The following NEIL3 variants were observed in gnomAD, a reference collection of about 807,000 sequenced individuals.
The protein encoded by NEIL3 is endonuclease 8-like 3.
Under a neutral mutation model 57.5 loss-of-function variants are expected in NEIL3, and 48 were observed. The observed-to-expected ratio is 0.83, with a 90% CI of 0.66 to 1.06. The LOEUF (loss-of-function observed/expected upper bound fraction) is 1.06. NEIL3 is among the 50% of genes least tolerant of loss of function. The probability of loss-of-function intolerance (pLI) is 0.00; values close to 1 mark genes in which losing one functional copy is unlikely to be tolerated. For missense variants in NEIL3, 717 were observed against 739.1 expected, an observed-to-expected ratio of 0.97 and a Z score of 0.35; for synonymous variants, 261 against 253.2, an observed-to-expected ratio of 1.03 and a Z score of -0.29.
intron 8 of NEIL3, 121 bp from the exon 9 acceptor site, chr4:177,360,382 G>A (rs1262636965): frequency 5.0e-6 from 3 of 605,592 alleles, no homozygotes; most frequent in East Asian, 2.8e-5. Flanking sequence ...TAATGTTAAC[G>A]AGGTCCACTT....
At chr4:177,339,703 A>G in intron 4 of NEIL3, 80 bp from the exon 5 acceptor site, 1 of 914,196 alleles carries the variant, frequency 1.1e-6, no homozygotes, top group South Asian at 1.4e-5. Context: ...GTTCTCTTTC[A>G]CAGAATTGGC....
Position 177,322,542 on chromosome 4 carries a change from G to A in NEIL3, c.240G>A (p.Gly80=), listed in dbSNP as rs1277351178. The part of the protein sequence containing the change: ...GYVYSGVETL[G]KELFMYFGPK... ...TTTACAGTGGCGTGGAAACTTTGGG[G>A]AAGGAGCTCTTTATGTACTTTGGAC... is the stretch of plus-strand genomic sequence containing the variant. The change falls in exon 2 of 10, where the codon GGG becomes GGA. Residue 80 remains glycine (G), a synonymous_variant. Transcript: ENST00000264596. The A allele has an allele frequency of 6.2e-7, 1 of 1,613,860 alleles. No individual in the cohort carries two copies. The highest frequency in any genetic ancestry group is 1.3e-5 in the African/African-American group (1 of 74,922).
intron 6 of NEIL3, among the ~76,000 whole-genome samples, chr4:177,348,352 A>G (rs1181435033): frequency 6.6e-6 from 1 of 152,090 alleles, no homozygotes; most frequent in Non-Finnish European, 1.5e-5. Flanking sequence ...TTTCTGAGTT[A>G]GGGTGGGTAG....
chr4:177,331,763 C>T (rs977741042), intron 2 of NEIL3, among the ~76,000 whole-genome samples: 56 of 152,194 alleles, frequency 3.7e-4, no homozygotes, highest in African/African-American at 1.3e-3. Context: ...CATGCCTCTT[C>T]TGTCAGTCAT....
intron 6 of NEIL3, among the ~76,000 whole-genome samples, chr4:177,350,583 C>T (rs1735329014): frequency 6.6e-6 from 1 of 152,132 alleles, no homozygotes; most frequent in Non-Finnish European, 1.5e-5. Flanking sequence ...AATGAATTTA[C>T]ATAGTGCTCA....
At chr4:177,314,785 G>T (rs1734541759) in intron 1 of NEIL3, among the ~76,000 whole-genome samples, 1 of 152,024 alleles carries the variant, frequency 6.6e-6, no homozygotes, top group Non-Finnish European at 1.5e-5. Flanking sequence ...TGATTAAAAA[G>T]TGTTGTTGTA....
At chr4:177,313,730 T>C (rs1470236514) in intron 1 of NEIL3, among the ~76,000 whole-genome samples, 3 of 152,206 alleles carry the variant, frequency 2.0e-5, no homozygotes, top group African/African-American at 7.2e-5. Context: ...TTTCCATCAC[T>C]CCTTAAAATT....
intron 1 of NEIL3, among the ~76,000 whole-genome samples, chr4:177,314,412 G>T (rs1452381016): frequency 6.6e-6 from 1 of 152,182 alleles, no homozygotes. Context: ...CTCGTCTGGA[G>T]ATGCTTATTG....
At chr4:177,312,166 T>C (rs1248982081) in intron 1 of NEIL3, among the ~76,000 whole-genome samples, 1 of 152,166 alleles carries the variant, frequency 6.6e-6, no homozygotes, top group Non-Finnish European at 1.5e-5. Flanking sequence ...AGGATAACCC[T>C]ATGATAAAGG....
intron 8 of NEIL3, among the ~76,000 whole-genome samples, chr4:177,356,363 A>G (rs1735473457): frequency 6.6e-6 from 1 of 152,192 alleles, no homozygotes; most frequent in Non-Finnish European, 1.5e-5. Context: ...CAGCCTGTGT[A>G]TGTATTGAAT....
In NEIL3 at chr4:177,351,384, C is replaced by A. The variant is rs751847395; in HGVS notation, c.874C>A (p.Leu292Ile). 6.2e-7 allele frequency: 1 copy of A among 1,602,696 alleles called. No individual in the cohort carries two copies. Among genetic ancestry groups the A allele is most frequent in the Non-Finnish European group, 8.5e-7 (1 of 1,174,616 alleles). ...ENPQHVDICK[L>I]PTRNTIISWT... ...ATTTTAAAAATTATCTTATAGCAAGCTACCGACTAGAAATACTATAATCAG... is the reference window on the plus strand; with the variant it reads ...ATTTTAAAAATTATCTTATAGCAAGATACCGACTAGAAATACTATAATCAG... Residue 292 changes from leucine (L) to isoleucine (I), a missense_variant, in exon 7 of 10, where the codon CTA (leucine) becomes ATA (isoleucine). Coordinates refer to ENST00000264596, the MANE Select transcript of NEIL3 (RefSeq NM_018248.3).
intron 1 of NEIL3, 92 bp downstream of exon 1, chr4:177,310,201 T>G: frequency 7.6e-7 from 1 of 1,321,944 alleles, no homozygotes; most frequent in Non-Finnish European, 9.9e-7. Context: ...TGTCATCTCT[T>G]TGCTCTGGCC....
At chr4:177,314,372 G>A (rs1316449379) in intron 1 of NEIL3, among the ~76,000 whole-genome samples, 1 of 152,174 alleles carries the variant, frequency 6.6e-6, no homozygotes, top group African/African-American at 2.4e-5. Flanking sequence ...TGATCATCTT[G>A]ATTTTGAATT....
At chr4:177,332,714 C>A (rs1003983128) in intron 2 of NEIL3, among the ~76,000 whole-genome samples, 2 of 152,118 alleles carry the variant, frequency 1.3e-5, no homozygotes, top group Non-Finnish European at 2.9e-5. Flanking sequence ...AACTGTTACA[C>A]CAGCCCACAT....
At chr4:177,358,713 C>A (rs565959170) in intron 8 of NEIL3, among the ~76,000 whole-genome samples, 1 of 152,110 alleles carries the variant, frequency 6.6e-6, no homozygotes, top group Non-Finnish European at 1.5e-5. Flanking sequence ...TTAATCCTAC[C>A]TTCTACCTTG....
rs1417291123 is a variant in NEIL3 at position 177,336,135 on chromosome 4, A to G, written c.441A>G (p.Ile147Met). The change falls in exon 4 of 10, where the codon ATA becomes ATG. Residue 147 changes from isoleucine (I) to methionine (M), a missense_variant. Ile to Met is a conservative substitution (Grantham distance 10, BLOSUM62 1). Transcript: ENST00000264596. Reference sequence around the variant, plus strand: ...ACTCAATGGAAAGCCAACAGAGAATAAGAATGATGAAAGAATTAGATGTAT... The same window carrying G: ...ACTCAATGGAAAGCCAACAGAGAATGAGAATGATGAAAGAATTAGATGTAT... Reference protein sequence around the residue: ...LRNSMESQQRIRMMKELDVCS... With the variant: ...LRNSMESQQRMRMMKELDVCS... 1.2e-6 allele frequency: 2 copies of G among 1,612,860 alleles called. No homozygotes were observed. The highest frequency in any genetic ancestry group is 1.7e-6 in the Non-Finnish European group (2 of 1,178,914).
At chr4:177,348,485 T>G (rs1735271696) in intron 6 of NEIL3, among the ~76,000 whole-genome samples, 1 of 152,062 alleles carries the variant, frequency 6.6e-6, no homozygotes. Flanking sequence ...CTCCTTGAGG[T>G]CACCAGGGCA....
chr4:177,364,043 G>A (rs28703935), downstream of NEIL3, among the ~76,000 whole-genome samples: 1 of 152,176 alleles, frequency 6.6e-6, no homozygotes, highest in African/African-American at 2.4e-5. Context: ...ACCATGCCCG[G>A]CCTGAAGAAA....
In NEIL3 at chr4:177,336,417, C is replaced by G. The variant is rs989601452; in HGVS notation, c.627+96C>G. ...TAACTCTGCATTTCAGTAACACAGT[C>G]TCATCAGACTTCAGGTGTCCCGCTT... On this transcript the variant is annotated intron_variant, in intron 4 of 9. Coordinates refer to ENST00000264596, the MANE Select transcript of NEIL3 (RefSeq NM_018248.3). The G allele has an allele frequency of 3.6e-5, 32 of 887,524 alleles. No homozygotes were observed. In the East Asian group the frequency reaches 8.2e-4, roughly 23 times the overall value. The allele number at this position is 887,524 out of a possible 1,614,324, so 55.0% of individuals were successfully genotyped here. A position where few individuals can be genotyped will look rare whatever the true frequency, so the allele number is the denominator to read the frequency against.
Sources: allele counts gnomAD v4.1 joint callset (sites outside exome capture counted in the v4.1 genomes callset), GRCh38; gene constraint gnomAD v4.1.1; transcripts MANE v1.5; gene names NCBI Gene and HGNC (gene_info 2026-07-23, HGNC 2026-07-21).